The following TMEM140 variants were observed in gnomAD, a reference collection of about 807,000 sequenced individuals.
The protein encoded by TMEM140 is transmembrane protein 140.
For missense variants in TMEM140, 236 were observed against 228.5 expected (o/e 1.03, Z -0.21); for synonymous variants, 107 against 106.8 (o/e 1.00, Z -0.01).
chr7:135,149,979 T>G (rs1482304728), intron 1 of TMEM140, among the ~76,000 whole-genome samples: 1 of 152,204 alleles, frequency 6.6e-6, no homozygotes, highest in African/African-American at 2.4e-5. Flanking sequence ...AAATCTTTAT[T>G]TTAGAATAGT....
Position 135,161,119 on chromosome 7 carries a change from GGT to G in TMEM140, c.-24-3297_-24-3296del, listed in dbSNP as rs1311929867. 2.6e-5 allele frequency among the ~76,000 whole-genome samples: 4 copies of G among 152,170 alleles called. No individual in the cohort carries two copies. Among genetic ancestry groups the G allele is most frequent in the Non-Finnish European group, 4.4e-5 (3 of 68,026 alleles). On this transcript the variant is annotated intron_variant, in intron 1 of 1. Coordinates refer to ENST00000275767, the MANE Select transcript of TMEM140 (RefSeq NM_018295.5). The surrounding 1 kb of genome is among the most constrained non-coding windows in gnomAD (Gnocchi z 4.1). ...TAAGAGCTGGGACTGAATATAAAAA[GGT>G]GAGAGGCCACCACCTTCTCCACATG...
intron 1 of TMEM140, among the ~76,000 whole-genome samples, chr7:135,159,101 A>G (rs1344332584): frequency 5.3e-5 from 8 of 151,782 alleles, no homozygotes; most frequent in Admixed American, 6.6e-5. Context: ...GCCTCTCCCG[A>G]CTCTCAGTCG....
chr7:135,152,130 A>C (rs1027528331), intron 1 of TMEM140, among the ~76,000 whole-genome samples: 1 of 152,240 alleles, frequency 6.6e-6, no homozygotes, highest in Non-Finnish European at 1.5e-5. Context: ...TCTACAAAAT[A>C]AGTTATATAA....
At chr7:135,158,599 A>G (rs1829851749) in intron 1 of TMEM140, among the ~76,000 whole-genome samples, 1 of 152,154 alleles carries the variant, frequency 6.6e-6, no homozygotes, top group African/African-American at 2.4e-5. Context: ...CAGCCTCATC[A>G]GCCCAAACTC....
At chr7:135,148,963 GA>G (rs1829608290) in intron 1 of TMEM140, among the ~76,000 whole-genome samples, 2 of 152,046 alleles carry the variant, frequency 1.3e-5, no homozygotes, top group African/African-American at 4.8e-5. Context: ...AGGCTCCTTT[GA>G]AAGAGGGAAA....
chr7:135,157,434 A>T (rs748066061), intron 1 of TMEM140, among the ~76,000 whole-genome samples: 7 of 152,254 alleles, frequency 4.6e-5, no homozygotes, highest in African/African-American at 7.2e-5. Flanking sequence ...CCAACTGAGC[A>T]GCCTTTGGAC....
rs769480682 is a variant in TMEM140, at chr7:135,164,437, TAG to T, written c.-1_1del. On this transcript the variant is annotated 5_prime_UTR_variant, in exon 2 of 2. Coordinates refer to ENST00000275767, the MANE Select transcript of TMEM140 (RefSeq NM_018295.5). ...CCGCAGGTCCCCCGGCAGAGGGCAG[TAG>T]AGATGGCCGGCCCAAGGCCTCGGTG... 207 of 1,596,096 alleles carry T rather than the reference TAG, an allele frequency of 1.3e-4. No homozygotes were observed. Among genetic ancestry groups the T allele is most frequent in the Non-Finnish European group, 1.7e-4 (198 of 1,165,090 alleles).
rs1230077612 is a variant in TMEM140 at position 135,164,854 on chromosome 7, T to G, written c.413T>G (p.Val138Gly). The G allele has an allele frequency of 4.3e-6, 7 of 1,613,842 alleles. No homozygotes were observed. The Admixed American group carries it at 8.3e-5, about 19-fold the overall frequency. Residue 138 changes from valine to glycine, a missense_variant, in exon 2 of 2, where the codon GTG (valine) becomes GGG (glycine). By Grantham distance (109) the Val-to-Gly change is moderately radical (BLOSUM62 -3). Transcript: ENST00000275767. ...AGGLGLFLSY[V>G]WKWVRLSLPG... ...GGCCTGGGCCTCTTCCTCTCCTATG[T>G]GTGGAAGTGGGTCAGGCTCTCCCTC...
chr7:135,154,586 G>T (rs181842910), intron 1 of TMEM140, among the ~76,000 whole-genome samples: 2 of 152,044 alleles, frequency 1.3e-5, no homozygotes, highest in Admixed American at 6.5e-5. Flanking sequence ...TTTTTAATTT[G>T]TCTTAATTTC....
intron 1 of TMEM140, among the ~76,000 whole-genome samples, chr7:135,160,699 C>T (rs1286517235): frequency 6.6e-6 from 1 of 151,162 alleles, no homozygotes; most frequent in Admixed American, 6.6e-5. Context: ...CATGAAAGAA[C>T]TCAGGGAGCC....
chr7:135,164,194 G>A (rs1213844865), intron 1 of TMEM140, among the ~76,000 whole-genome samples: 2 of 152,246 alleles, frequency 1.3e-5, no homozygotes, highest in Admixed American at 6.5e-5. Context: ...AGCTGCTTGG[G>A]AGAGACTTTT....
chr7:135,153,695 C>G (rs1265668444), intron 1 of TMEM140, among the ~76,000 whole-genome samples: 2 of 152,172 alleles, frequency 1.3e-5, no homozygotes, highest in East Asian at 3.9e-4. Context: ...TAAATCCCAT[C>G]TGATCATAGT....
At chr7:135,158,941 G>A (rs1053566486) in intron 1 of TMEM140, among the ~76,000 whole-genome samples, 1 of 152,250 alleles carries the variant, frequency 6.6e-6, no homozygotes, top group Non-Finnish European at 1.5e-5. Flanking sequence ...TTCCTTTCTG[G>A]AGCAATGCCT....
At chr7:135,162,086 C>T (rs997723060) in intron 1 of TMEM140, among the ~76,000 whole-genome samples, 2 of 152,252 alleles carry the variant, frequency 1.3e-5, no homozygotes, top group African/African-American at 4.8e-5. Context: ...TTGAATGGAG[C>T]TGCCCTCTCT....
At chr7:135,164,390 T>C in intron 1 of TMEM140, 28 bp from the exon 2 acceptor site, 9 of 1,528,082 alleles carry the variant, frequency 5.9e-6, no homozygotes, top group Non-Finnish European at 8.1e-6. Flanking sequence ...AAGGGAGAGA[T>C]GGACTGACTG....
At chr7:135,155,164 C>T (rs1291319350) in intron 1 of TMEM140, among the ~76,000 whole-genome samples, 3 of 152,080 alleles carry the variant, frequency 2.0e-5, no homozygotes, top group Admixed American at 2.0e-4. Context: ...TGCCTGCTTG[C>T]TTTTGGTTTA....
At chr7:135,149,321 C>T (rs1292284984) in intron 1 of TMEM140, among the ~76,000 whole-genome samples, 1 of 152,096 alleles carries the variant, frequency 6.6e-6, no homozygotes, top group Non-Finnish European at 1.5e-5. Context: ...TAGTCTCTTT[C>T]TCCTATGCCT....
intron 1 of TMEM140, among the ~76,000 whole-genome samples, chr7:135,159,905 A>C (rs1306068123): frequency 1.3e-5 from 2 of 152,248 alleles, no homozygotes; most frequent in Non-Finnish European, 2.9e-5. Context: ...GGAGGATGGG[A>C]TGAGACAGGC....
In TMEM140 at chr7:135,161,238, C is replaced by T. The variant is rs1336920538; in HGVS notation, c.-24-3180C>T. Among the ~76,000 whole-genome samples, 2 of 152,202 alleles carry T rather than the reference C, an allele frequency of 1.3e-5. No individual in the cohort carries two copies. The highest frequency in any genetic ancestry group is 2.9e-5 in the Non-Finnish European group (2 of 68,044). On this transcript the variant is annotated intron_variant, in intron 1 of 1. Coordinates refer to ENST00000275767, the MANE Select transcript of TMEM140 (RefSeq NM_018295.5). This position sits in a 1 kb window ranked among gnomAD's most constrained non-coding sequence, Gnocchi z 4.1. The stretch of plus-strand genomic sequence containing the variant: ...AGGAAGTCAAAACAAAGGCTCCTGG[C>T]GTCTGGCAGGAGCTGCCGCAAGGTG...
Sources: gnomAD v4.1 joint callset for allele counts (sites outside exome capture counted in the v4.1 genomes callset) on GRCh38, gnomAD v4.1.1 for gene constraint, Gnocchi (gnomAD v3.1) non-coding constraint, MANE v1.5 for transcripts, NCBI Gene and HGNC (gene_info 2026-07-23, HGNC 2026-07-21) for gene names.